MAMDC2: variants seen among roughly 807,000 people sequenced by gnomAD.
MAMDC2 encodes the protein MAM domain-containing protein 2.
A neutral mutation model predicts 89.8 loss-of-function variants in MAMDC2; 57 were observed. That is an observed-to-expected ratio of 0.63 (90% CI 0.51 to 0.79). The LOEUF (loss-of-function observed/expected upper bound fraction) is 0.79. Ranked by LOEUF, MAMDC2 falls within the 30% of genes least tolerant of loss-of-function variation. The pLI is 0.00. For missense variants in MAMDC2, 800 were observed against 820.6 expected (o/e 0.97, Z 0.31); for synonymous variants, 313 against 293.4 (o/e 1.07, Z -0.68).
intron 4 of MAMDC2, among the ~76,000 whole-genome samples, chr9:70,111,532 G>T (rs919841780): frequency 6.6e-6 from 1 of 152,196 alleles, no homozygotes; most frequent in African/African-American, 2.4e-5. Flanking sequence ...GTTAATTTAT[G>T]TAAAGTGCTC....
chr9:70,108,409 G>A lies in MAMDC2; in HGVS notation c.347G>A (p.Trp116Ter). The A allele has an allele frequency of 6.2e-7, 1 of 1,614,018 alleles. No homozygotes were observed. Among genetic ancestry groups the A allele is most frequent in the Non-Finnish European group, 8.5e-7 (1 of 1,179,956 alleles). Residue 116 changes from tryptophan (W) to a stop codon, truncating the protein, a stop_gained, in exon 3 of 14, where the codon TGG becomes TAG. Coordinates refer to ENST00000377182, the MANE Select transcript of MAMDC2 (RefSeq NM_153267.5). LOFTEE classifies it high-confidence loss of function. ...GATGAAAGCTTTGATCGCTTGCTTT[G>A]GTCAGCTAAGGAACCTTCAGACAGC... ...FEDESFDRLL[W>*]SAKEPSDSWL...
intron 2 of MAMDC2, among the ~76,000 whole-genome samples, chr9:70,102,152 G>C (rs1346434549): frequency 2.6e-5 from 4 of 152,044 alleles, no homozygotes; most frequent in African/African-American, 9.7e-5. Flanking sequence ...TAAGTACATT[G>C]ATTTTCCACA....
intron 6 of MAMDC2, among the ~76,000 whole-genome samples, chr9:70,128,832 T>C (rs1226816648): frequency 6.6e-6 from 1 of 152,084 alleles, no homozygotes; most frequent in Non-Finnish European, 1.5e-5. Flanking sequence ...AATTTTTGTA[T>C]TTTTTGTAAA....
At chr9:70,100,382 A>G (rs1215265751) in intron 2 of MAMDC2, among the ~76,000 whole-genome samples, 1 of 152,214 alleles carries the variant, frequency 6.6e-6, no homozygotes, top group Admixed American at 6.5e-5. Flanking sequence ...TACTGTGTCC[A>G]CAGCAGGACC....
intron 2 of MAMDC2, among the ~76,000 whole-genome samples, chr9:70,093,589 C>T (rs1358534442): frequency 6.6e-6 from 1 of 151,654 alleles, no homozygotes; most frequent in Non-Finnish European, 1.5e-5. Context: ...CCATGCCCGG[C>T]TAATTTTTTT....
At chr9:70,043,662 C>A (rs1306140728), upstream of MAMDC2, 4 of 157,282 alleles carry the variant, frequency 2.5e-5, no homozygotes, top group South Asian at 7.7e-4. Flanking sequence ...GCCAGCCCTG[C>A]GGGACTGACA....
rs572789709 is a variant in MAMDC2 at position 70,049,692 on chromosome 9, G to T, written c.148+4995G>T. Among the ~76,000 whole-genome samples, 7 of 152,318 alleles carry T rather than the reference G, an allele frequency of 4.6e-5. No individual in the cohort carries two copies. The South Asian group carries it at 1.5e-3, about 32-fold the overall frequency. On this transcript the variant is annotated intron_variant, in intron 2 of 13. Coordinates refer to ENST00000377182, the MANE Select transcript of MAMDC2 (RefSeq NM_153267.5). ...GGGCTGGAAATCGGCACAAGTCAGG[G>T]ATGTTCCTTGACACCCTCTGGGAGA...
At chr9:70,197,268 T>G (rs1223884860) in intron 11 of MAMDC2, among the ~76,000 whole-genome samples, 1 of 152,110 alleles carries the variant, frequency 6.6e-6, no homozygotes, top group Non-Finnish European at 1.5e-5. Flanking sequence ...AACCAGAAAC[T>G]GCAAATGTCT....
At chr9:70,081,131 G>C (rs1289265131) in intron 2 of MAMDC2, among the ~76,000 whole-genome samples, 1 of 152,102 alleles carries the variant, frequency 6.6e-6, no homozygotes, top group Non-Finnish European at 1.5e-5. Flanking sequence ...CTGTTTGTTT[G>C]ACACAAAGGA....
intron 2 of MAMDC2, among the ~76,000 whole-genome samples, chr9:70,075,882 T>C (rs946545691): frequency 6.6e-6 from 1 of 152,224 alleles, no homozygotes; most frequent in South Asian, 2.1e-4. Flanking sequence ...AGGCAATCAC[T>C]AAGTACTGAT....
intron 2 of MAMDC2, among the ~76,000 whole-genome samples, chr9:70,098,217 T>C (rs554939490): frequency 3.9e-5 from 6 of 152,198 alleles, no homozygotes; most frequent in Admixed American, 6.5e-5. Flanking sequence ...GGACCACCAG[T>C]GCTGCCCTTC....
rs2033320859 is a variant in MAMDC2 at position 70,210,147 on chromosome 9, A to G, written c.1652-8190A>G. Among the ~76,000 whole-genome samples, 4 of 152,332 alleles carry G rather than the reference A, an allele frequency of 2.6e-5. No homozygotes were observed. In the South Asian group the frequency reaches 8.3e-4, roughly 32 times the overall value. On this transcript the variant is annotated intron_variant, in intron 11 of 13. Coordinates refer to ENST00000377182, the MANE Select transcript of MAMDC2 (RefSeq NM_153267.5). Reference sequence around the variant, plus strand: ...GTGGAGAGTTCTGCAGATATCTATTAGGTCTGCTTGGTGCAGAGATGAGTT... The same window carrying G: ...GTGGAGAGTTCTGCAGATATCTATTGGGTCTGCTTGGTGCAGAGATGAGTT...
chr9:70,207,436 A>C (rs1046902557), intron 11 of MAMDC2, among the ~76,000 whole-genome samples: 1 of 152,190 alleles, frequency 6.6e-6, no homozygotes, highest in Admixed American at 6.5e-5. Flanking sequence ...TCTTTTGAGA[A>C]GTGTCCGTTC....
intron 11 of MAMDC2, among the ~76,000 whole-genome samples, chr9:70,195,822 T>C (rs2032964521): frequency 6.6e-6 from 1 of 152,132 alleles, no homozygotes; most frequent in African/African-American, 2.4e-5. Context: ...GTGCTTCCTT[T>C]AAGTGAAAAG....
intron 2 of MAMDC2, among the ~76,000 whole-genome samples, chr9:70,063,763 C>A (rs980581001): frequency 6.6e-6 from 1 of 152,126 alleles, no homozygotes; most frequent in Admixed American, 6.6e-5. Context: ...ATCTGTTGAA[C>A]AGATTACAAG....
At chr9:70,189,807 T>G (rs544085253) in intron 11 of MAMDC2, among the ~76,000 whole-genome samples, 25 of 152,210 alleles carry the variant, frequency 1.6e-4, no homozygotes, top group African/African-American at 6.0e-4. Flanking sequence ...TTCTTCAGAT[T>G]GGATAATCTC....
intron 2 of MAMDC2, among the ~76,000 whole-genome samples, chr9:70,106,999 G>T (rs144438806): frequency 1.2e-3 from 186 of 152,276 alleles, no homozygotes; most frequent in African/African-American, 4.3e-3. Flanking sequence ...AGGCTTTTCA[G>T]ATCCTTTCTC....
chr9:70,146,534 T>C (rs188456743), intron 9 of MAMDC2, among the ~76,000 whole-genome samples: 110 of 152,306 alleles, frequency 7.2e-4, no homozygotes, highest in African/African-American at 2.6e-3. Flanking sequence ...TTCACTTACT[T>C]ATATAACATA....
At chr9:70,051,918 G>GATAC (rs1231549616) in intron 2 of MAMDC2, among the ~76,000 whole-genome samples, 1 of 152,072 alleles carries the variant, frequency 6.6e-6, no homozygotes, top group Non-Finnish European at 1.5e-5. Context: ...TAGATAGATA[G>GATAC]ATAGATAGAC....
Sources: allele counts gnomAD v4.1 joint callset (sites outside exome capture counted in the v4.1 genomes callset), GRCh38; gene constraint gnomAD v4.1.1; transcripts MANE v1.5; gene names NCBI Gene and HGNC (gene_info 2026-07-23, HGNC 2026-07-21).